Variants in RIMS2 observed in about 807,000 individuals in gnomAD.
RIMS2 encodes the protein regulating synaptic membrane exocytosis protein 2.
In RIMS2, 59 loss-of-function variants were observed where a neutral mutation model predicts 174.4. That is an observed-to-expected ratio of 0.34 (90% CI 0.27 to 0.42). The LOEUF (loss-of-function observed/expected upper bound fraction) is 0.42, where lower values mean the gene tolerates loss of function less well. RIMS2 is among the 10% of genes least tolerant of loss of function. The pLI, the probability that RIMS2 is intolerant of heterozygous loss-of-function variation, is 1.00. For missense variants in RIMS2, 1,620 were observed against 1,666.3 expected (o/e 0.97, Z 0.48); for synonymous variants, 606 against 572.5 (o/e 1.06, Z -0.84).
intron 1 of RIMS2, among the ~76,000 whole-genome samples, chr8:103,689,207 C>G (rs1358402522): frequency 1.3e-5 from 2 of 151,930 alleles, no homozygotes; most frequent in African/African-American, 4.8e-5. Context: ...TCATTGTGGT[C>G]AGAGAAGATA....
At chr8:103,961,177 A>T in intron 15 of RIMS2, 44 bp downstream of exon 17, 1 of 849,980 alleles carries the variant, frequency 1.2e-6, no homozygotes, top group Non-Finnish European at 2.0e-6. Context: ...AAGGGAGTGC[A>T]ATTCATCATC....
rs1238376479 is a variant in RIMS2 at position 104,058,138 on chromosome 8, C to T, written c.3334+43523C>T. On this transcript the variant is annotated intron_variant, in intron 19 of 23. Transcript: ENST00000504942. ...TTCTAGTTCTAGATCCCTGAGGAAT[C>T]GCCACACTGACTTCCACAATGGTTG... Among the ~76,000 whole-genome samples, 20 of 148,696 alleles carry T rather than the reference C, an allele frequency of 1.3e-4. 1 individual carries two copies. The highest frequency in any genetic ancestry group is 2.0e-4 in the Admixed American group (3 of 14,906).
chr8:104,010,878 G>T (rs2095740360), intron 17 of RIMS2, among the ~76,000 whole-genome samples: 2 of 151,960 alleles, frequency 1.3e-5, no homozygotes, highest in Non-Finnish European at 2.9e-5. Context: ...TAAATAAAAT[G>T]GTTACAGAGG....
intron 12 of RIMS2, 131 bp from the exon 15 acceptor site, chr8:103,936,420 C>A: frequency 1.8e-6 from 1 of 550,404 alleles, no homozygotes; most frequent in Middle Eastern, 4.7e-4. Flanking sequence ...AAGGTTATAA[C>A]ATTTGCAATG....
chr8:103,993,736 A>G (rs1421224957), intron 17 of RIMS2, among the ~76,000 whole-genome samples: 1 of 152,182 alleles, frequency 6.6e-6, no homozygotes, highest in Non-Finnish European at 1.5e-5. Context: ...TAACAATATT[A>G]AAGACACATG....
intron 13 of RIMS2, 111 bp downstream of exon 15, chr8:103,936,833 T>C (rs930567491): frequency 6.2e-6 from 5 of 812,640 alleles, no homozygotes; most frequent in Non-Finnish European, 9.3e-6. Context: ...TGGTGGCTCA[T>C]GCCTGTAATC....
chr8:104,025,646 G>C (rs902850268), intron 19 of RIMS2, among the ~76,000 whole-genome samples: 9 of 151,570 alleles, frequency 5.9e-5, no homozygotes, highest in Non-Finnish European at 1.2e-4. Flanking sequence ...GAAAATTTTT[G>C]TTTTATATTT....
intron 1 of RIMS2, among the ~76,000 whole-genome samples, chr8:103,603,514 G>T (rs564711315): frequency 6.6e-6 from 1 of 152,012 alleles, no homozygotes; most frequent in Non-Finnish European, 1.5e-5. Flanking sequence ...TATATACCCA[G>T]TAATGGGATG....
chr8:103,844,457 A>G (rs1399903045), intron 3 of RIMS2, among the ~76,000 whole-genome samples: 1 of 152,150 alleles, frequency 6.6e-6, no homozygotes, highest in Non-Finnish European at 1.5e-5. Context: ...AGTCCCAGAT[A>G]TGGTTCATGA....
At chr8:104,017,720 A>C (rs1258654670) in intron 19 of RIMS2, among the ~76,000 whole-genome samples, 1 of 152,176 alleles carries the variant, frequency 6.6e-6, no homozygotes, top group Non-Finnish European at 1.5e-5. Flanking sequence ...GCAATGTGAT[A>C]ATTAACCAGT....
chr8:103,539,331 G>A (rs536385229), intron 1 of RIMS2, among the ~76,000 whole-genome samples: 1 of 152,260 alleles, frequency 6.6e-6, no homozygotes, highest in East Asian at 1.9e-4. Flanking sequence ...CACCAAGATG[G>A]CAGAGTAGGA....
intron 3 of RIMS2, among the ~76,000 whole-genome samples, chr8:103,837,951 T>A (rs2098913569): frequency 6.6e-6 from 1 of 150,978 alleles, no homozygotes; most frequent in Non-Finnish European, 1.5e-5. Flanking sequence ...TTTTTTTTTT[T>A]TTTTTTCTGA....
At chr8:103,974,927 A>G (rs1011300744) in intron 15 of RIMS2, among the ~76,000 whole-genome samples, 2 of 152,186 alleles carry the variant, frequency 1.3e-5, no homozygotes, top group Non-Finnish European at 2.9e-5. Context: ...TTATCACTGA[A>G]AAAAAAGATG....
chr8:104,231,877 C>A (rs1311068909), intron 19 of RIMS2, among the ~76,000 whole-genome samples: 1 of 151,880 alleles, frequency 6.6e-6, no homozygotes, highest in African/African-American at 2.4e-5. Context: ...TTCTTCAGTC[C>A]CACTAGCCAC....
rs71297243 is a variant in RIMS2, at chr8:103,876,909, T to TATATAC, written c.699-8388_699-8387insTATACA. Among the ~76,000 whole-genome samples, 231 of 65,884 alleles carry TATATAC rather than the reference T, an allele frequency of 3.5e-3. 1 individual carries two copies. The highest frequency in any genetic ancestry group is 5.2e-3 in the Non-Finnish European group (141 of 27,276). 43.2% of individuals were successfully genotyped at this position (65,884 alleles called of 152,430 possible). A position where few individuals can be genotyped will look rare whatever the true frequency, so the allele number is the denominator to read the frequency against. ...ATATATATATATATATATATATATA[T>TATATAC]ACACACACACCCCCATATACATAAC... On this transcript the variant is annotated intron_variant, in intron 3 of 23. Coordinates refer to ENST00000504942, the Ensembl canonical transcript of RIMS2.
rs545906628 is a variant in RIMS2 at position 103,512,156 on chromosome 8, AC to A, written c.176+11096del. Among the ~76,000 whole-genome samples the A allele has an allele frequency of 1.9e-3, 291 of 152,264 alleles. 2 individuals carry two copies. The highest frequency in any genetic ancestry group is 0.018 in the Admixed American group (270 of 15,290). On this transcript the variant is annotated intron_variant, in intron 1 of 23. Transcript: ENST00000504942. ...ACTGGGTGTCTATAAGCTACTGGCA[AC>A]CATGCACTGTAGCAAGAACAACGAA...
At chr8:103,558,479 C>T (rs2131863657) in intron 1 of RIMS2, among the ~76,000 whole-genome samples, 1 of 152,328 alleles carries the variant, frequency 6.6e-6, no homozygotes, top group East Asian at 1.9e-4. Flanking sequence ...CCACCTCGGC[C>T]TCCCAAAGTA....
chr8:103,820,267 G>A (rs1219642942), intron 3 of RIMS2, among the ~76,000 whole-genome samples: 1 of 151,962 alleles, frequency 6.6e-6, no homozygotes, highest in African/African-American at 2.4e-5. Flanking sequence ...TACACTAAAA[G>A]ATATTCTATT....
chr8:103,672,294 G>A (rs543284576), intron 1 of RIMS2, among the ~76,000 whole-genome samples: 26 of 151,788 alleles, frequency 1.7e-4, no homozygotes, highest in African/African-American at 6.3e-4. Context: ...CTTGTTCAAA[G>A]TAAAATACCA....
Sources: gnomAD v4.1 joint callset for allele counts (sites outside exome capture counted in the v4.1 genomes callset) on GRCh38, gnomAD v4.1.1 for gene constraint, MANE v1.5 for transcripts, NCBI Gene and HGNC (gene_info 2026-07-23, HGNC 2026-07-21) for gene names.